GRIN1: variants seen among roughly 807,000 people sequenced by gnomAD.
The protein encoded by GRIN1 is glutamate receptor ionotropic, NMDA 1.
Under a neutral mutation model 103.0 loss-of-function variants are expected in GRIN1, and 38 were observed. The observed-to-expected ratio is 0.37, with a 90% CI of 0.28 to 0.48. The LOEUF (loss-of-function observed/expected upper bound fraction) is 0.48. GRIN1 is among the 20% of genes least tolerant of loss of function. The probability of loss-of-function intolerance (pLI) is 0.98; values close to 1 mark genes in which losing one functional copy is unlikely to be tolerated. For missense variants in GRIN1, 577 were observed against 1,288.9 expected, an observed-to-expected ratio of 0.45 and a Z score of 8.46; for synonymous variants, 544 against 532.7, an observed-to-expected ratio of 1.02 and a Z score of -0.29.
intron 10 of GRIN1, among the ~76,000 whole-genome samples, 156 bp downstream of exon 10, chr9:137,161,572 G>A (rs1337958645): frequency 6.8e-6 from 1 of 146,300 alleles, no homozygotes; most frequent in Non-Finnish European, 1.5e-5. Flanking sequence ...GGGTCCTGGC[G>A]TGGGTAAAGC....
At chr9:137,167,289 G>A in intron 19 of GRIN1, 122 bp from the exon 20 acceptor site, 2 of 771,866 alleles carry the variant, frequency 2.6e-6, no homozygotes, top group Non-Finnish European at 4.5e-6. Context: ...CAGTCCGGCT[G>A]CGGAGATCCC....
rs918436776 is a variant in GRIN1, at chr9:137,148,798, G to A, written c.571-211G>A. Among the ~76,000 whole-genome samples, 13 of 152,230 alleles carry A rather than the reference G, an allele frequency of 8.5e-5. 1 individual carries two copies. The highest frequency in any genetic ancestry group is 2.0e-4 in the Admixed American group (3 of 15,290). The stretch of plus-strand genomic sequence containing the variant: ...GAGCACAGAACGAGCACAGGTGAGC[G>A]CGCAGGCTGAAGACAGGACAGGACC... On this transcript the variant is annotated intron_variant, in intron 3 of 19. Coordinates refer to ENST00000371561, the MANE Select transcript of GRIN1 (RefSeq NM_007327.4).
At position 137,139,802 on chromosome 9, in the gene GRIN1, C is replaced by A. The variant is rs1287816954; in HGVS notation, c.258+58C>A. Reference sequence around the variant, plus strand: ...CTCTCCTCCATCCTGCAACCCCACACCCCCAGTTTCATTCCATCCTTTCCG... The same window carrying A: ...CTCTCCTCCATCCTGCAACCCCACAACCCCAGTTTCATTCCATCCTTTCCG... On this transcript the variant is annotated intron_variant, in intron 1 of 19. Transcript: ENST00000371561. The surrounding 1 kb of genome is among the most constrained non-coding windows in gnomAD (Gnocchi z 7.7). 7.6e-6 allele frequency: 10 copies of A among 1,311,478 alleles called. No homozygotes were observed. The African/African-American group carries it at 1.3e-4, about 17-fold the overall frequency. The allele number at this position is 1,311,478 out of a possible 1,614,324, so 81.2% of individuals were successfully genotyped here.
At chr9:137,156,320 A>T (rs1833214688) in intron 4 of GRIN1, among the ~76,000 whole-genome samples, 1 of 151,960 alleles carries the variant, frequency 6.6e-6, no homozygotes, top group African/African-American at 2.4e-5. Flanking sequence ...TCAGTCCCAT[A>T]AGCCAGGTAT....
chr9:137,167,933 C>A lies in GRIN1; in HGVS notation c.*406C>A. Reference sequence around the variant, plus strand: ...GGAAGGCCTGAGGGAAGCCCACCCGCCCCAGAGACTGCCCACCCTGGGCCT... The same window carrying A: ...GGAAGGCCTGAGGGAAGCCCACCCGACCCAGAGACTGCCCACCCTGGGCCT... On this transcript the variant is annotated 3_prime_UTR_variant, in exon 20 of 20. Coordinates refer to ENST00000371561, the MANE Select transcript of GRIN1 (RefSeq NM_007327.4). 2.6e-6 allele frequency: 3 copies of A among 1,172,172 alleles called. No individual in the cohort carries two copies. Among genetic ancestry groups the A allele is most frequent in the Non-Finnish European group, 3.7e-6 (3 of 806,082 alleles). The allele number at this position is 1,172,172 out of a possible 1,614,324, so 72.6% of individuals were successfully genotyped here.
At chr9:137,144,380 C>A (rs373443225) in intron 2 of GRIN1, among the ~76,000 whole-genome samples, 26 of 147,650 alleles carry the variant, frequency 1.8e-4, no homozygotes, top group Non-Finnish European at 2.7e-4. Flanking sequence ...GTTGGCCGGG[C>A]GCGGTGGCTC....
intron 10 of GRIN1, 65 bp from the exon 11 acceptor site, chr9:137,161,859 G>T: frequency 4.6e-6 from 7 of 1,519,232 alleles, no homozygotes; most frequent in Non-Finnish European, 6.2e-6. Flanking sequence ...GCTTCAGTCG[G>T]GGGTACCTGT....
chr9:137,164,573 G>A (rs550525482), intron 18 of GRIN1: 179 of 178,162 alleles, frequency 1.0e-3, no homozygotes, highest in Non-Finnish European at 1.8e-3. Context: ...GTGCGGCCAG[G>A]GCTGCTGGGG....
chr9:137,153,514 C>A (rs539170802), intron 4 of GRIN1, among the ~76,000 whole-genome samples: 2 of 152,094 alleles, frequency 1.3e-5, no homozygotes, highest in Non-Finnish European at 2.9e-5. Context: ...TACACATGTG[C>A]ACACATGCCA....
At chr9:137,153,463 A>G (rs1158470144) in intron 4 of GRIN1, among the ~76,000 whole-genome samples, 1 of 150,432 alleles carries the variant, frequency 6.6e-6, no homozygotes, top group Non-Finnish European at 1.5e-5. Flanking sequence ...ATACATCTCT[A>G]CCCACACATG....
chr9:137,161,444 A>T (rs533592868), intron 10 of GRIN1, 28 bp downstream of exon 10: 2 of 1,565,336 alleles, frequency 1.3e-6, no homozygotes, highest in African/African-American at 2.9e-5. Flanking sequence ...GGTGGGGACC[A>T]GCGTGAGAGG....
intron 4 of GRIN1, among the ~76,000 whole-genome samples, chr9:137,153,962 C>A (rs1833062140): frequency 6.6e-6 from 1 of 152,074 alleles, no homozygotes; most frequent in South Asian, 2.1e-4. Context: ...CAGGTGTGTG[C>A]CACCATGCCC....
At position 137,167,859 on chromosome 9, in the gene GRIN1, C is replaced by T; in HGVS notation, c.*332C>T. ...GTGGTGTGAGGCCCCCGGAGGCGCC[C>T]ACCTGCCCAGTTAGCCCGGCCAAGG... On this transcript the variant is annotated 3_prime_UTR_variant, in exon 20 of 20. Coordinates refer to ENST00000371561, the MANE Select transcript of GRIN1 (RefSeq NM_007327.4). 2 of 1,609,618 alleles carry T rather than the reference C, an allele frequency of 1.2e-6. No homozygotes were observed. The highest frequency in any genetic ancestry group is 1.7e-6 in the Non-Finnish European group (2 of 1,177,768).
intron 4 of GRIN1, among the ~76,000 whole-genome samples, chr9:137,152,429 A>G (rs1159030980): frequency 6.6e-6 from 1 of 152,168 alleles, no homozygotes; most frequent in Non-Finnish European, 1.5e-5. Context: ...CACTTTTGCA[A>G]TAGACAAGTT....
rs1275742469 is a variant in GRIN1, at chr9:137,168,751, C to CA, written c.*1225dup. 3.4e-6 allele frequency: 3 copies of CA among 871,688 alleles called. No homozygotes were observed. Among genetic ancestry groups the CA allele is most frequent in the Non-Finnish European group, 4.5e-6 (3 of 669,018 alleles). The allele number at this position is 871,688 out of a possible 1,614,324, so 54.0% of individuals were successfully genotyped here. On this transcript the variant is annotated 3_prime_UTR_variant, in exon 20 of 20. Transcript: ENST00000371561. The stretch of plus-strand genomic sequence containing the variant: ...GCAGTGGTGATGCCTAAAGGAATGT[C>CA]ACGCAGTTTTCGGTCTGTGTCGCTT...
intron 10 of GRIN1, 97 bp downstream of exon 10, chr9:137,161,513 G>A (rs954674391): frequency 1.6e-5 from 19 of 1,172,704 alleles, no homozygotes; most frequent in East Asian, 5.1e-5. Flanking sequence ...TGCAGATGGT[G>A]GGGGGTCCTG....
chr9:137,139,737 C>T lies in GRIN1; in HGVS notation c.251C>T (p.Ser84Phe), dbSNP rs201419574. The change falls in exon 1 of 20, where the codon TCC becomes TTC. Residue 84 changes from serine to phenylalanine, a missense_variant. Physicochemically the swap from Ser to Phe is radical, Grantham distance 155. This residue lies in a region of GRIN1 where 308 missense variants were observed against 553.6 expected (regional missense o/e 0.56). Coordinates refer to ENST00000371561, the MANE Select transcript of GRIN1 (RefSeq NM_007327.4). This position sits in a 1 kb window ranked among gnomAD's most constrained non-coding sequence, Gnocchi z 7.7. ...CTGTCGGTGTGCGAGGACCTCATCTCCAGCCAGGTGCCCTCCCCCACCTCC... is the reference window on the plus strand; with the variant it reads ...CTGTCGGTGTGCGAGGACCTCATCTTCAGCCAGGTGCCCTCCCCCACCTCC... ...MALSVCEDLI[S>F]SQVYAILVSH... 6.2e-7 allele frequency: 1 copy of T among 1,613,360 alleles called. No homozygotes were observed. The highest frequency in any genetic ancestry group is 2.2e-5 in the East Asian group (1 of 44,886).
intron 1 of GRIN1, among the ~76,000 whole-genome samples, chr9:137,140,015 C>T (rs545370890): frequency 2.0e-5 from 3 of 151,794 alleles, no homozygotes; most frequent in Admixed American, 6.6e-5. Flanking sequence ...TGTGTGTAGA[C>T]GTGGGGCTGG....
chr9:137,159,597 G>A (rs112353770), intron 8 of GRIN1, among the ~76,000 whole-genome samples: 3 of 152,220 alleles, frequency 2.0e-5, no homozygotes, highest in East Asian at 3.8e-4. Flanking sequence ...TGAAAGCAGC[G>A]GTCAAACGCT....
Sources: allele counts gnomAD v4.1 joint callset (sites outside exome capture counted in the v4.1 genomes callset), GRCh38; gene constraint gnomAD v4.1.1; regional missense constraint gnomAD v4.1.1; non-coding constraint Gnocchi (gnomAD v3.1); transcripts MANE v1.5; gene names NCBI Gene and HGNC (gene_info 2026-07-23, HGNC 2026-07-21).